The following ACTR10 variants were observed in gnomAD, a reference collection of about 807,000 sequenced individuals.
ACTR10 encodes actin related protein 10, also known as actin-related protein 10.
ACTR10 carries 43 observed loss-of-function variants against 56.2 expected under a neutral mutation model. The observed-to-expected ratio is 0.77, with a 90% CI of 0.60 to 0.99. ACTR10 has a LOEUF of 0.99. Ranked by LOEUF, ACTR10 falls within the 50% of genes least tolerant of loss-of-function variation. The probability of loss-of-function intolerance (pLI) is 0.00; values close to 1 mark genes in which losing one functional copy is unlikely to be tolerated. For missense variants in ACTR10, 466 were observed against 507.8 expected (o/e 0.92, Z 0.79); for synonymous variants, 170 against 176.3 (o/e 0.96, Z 0.28).
At chr14:58,218,303 T>G (rs1465216538) in intron 7 of ACTR10, among the ~76,000 whole-genome samples, 2 of 152,196 alleles carry the variant, frequency 1.3e-5, no homozygotes, top group Non-Finnish European at 2.9e-5. Context: ...CTGGCATATC[T>G]TTATCCTCTT....
At position 58,213,787 on chromosome 14, in the gene ACTR10, C is replaced by T. The variant is rs915485611; in HGVS notation, c.518+89C>T. 4 of 935,516 alleles carry T rather than the reference C, an allele frequency of 4.3e-6. No homozygotes were observed. In the African/African-American group the frequency reaches 6.7e-5, roughly 16 times the overall value. 58.0% of individuals were successfully genotyped at this position (935,516 alleles called of 1,614,324 possible). On this transcript the variant is annotated intron_variant, in intron 6 of 12. Coordinates refer to ENST00000254286, the MANE Select transcript of ACTR10 (RefSeq NM_018477.3). ...TTGTTGATCAGTGATCAATAGAGGGCTTGTGATACGGACAGTGAATTTTAT... is the reference window on the plus strand; with the variant it reads ...TTGTTGATCAGTGATCAATAGAGGGTTTGTGATACGGACAGTGAATTTTAT...
rs538759124 is a variant in ACTR10 at position 58,230,236 on chromosome 14, C to A, written c.789-163C>A. On this transcript the variant is annotated intron_variant, in intron 10 of 12. Transcript: ENST00000254286. The stretch of plus-strand genomic sequence containing the variant: ...AACCCTGTGAGGCAGGCATTGTTAT[C>A]CTCTCCATTTACAAATGAGAACACC... 1.6e-4 allele frequency among the ~76,000 whole-genome samples: 24 copies of A among 152,232 alleles called. No individual in the cohort carries two copies. The South Asian group carries it at 4.8e-3, about 30-fold the overall frequency.
chr14:58,220,898 G>C (rs1889249285), intron 8 of ACTR10, among the ~76,000 whole-genome samples: 1 of 152,166 alleles, frequency 6.6e-6, no homozygotes, highest in Admixed American at 6.5e-5. Flanking sequence ...GCTGTTAAGA[G>C]CTAGAGTATT....
At position 58,223,822 on chromosome 14, in the gene ACTR10, G is replaced by A; in HGVS notation, c.754G>A (p.Gly252Arg). The change falls in exon 10 of 13, where the codon GGA becomes AGA. Residue 252 changes from glycine to arginine, a missense_variant. By Grantham distance (125) the Gly-to-Arg change is moderately radical (BLOSUM62 -2). Transcript: ENST00000254286. The part of the protein sequence containing the change: ...PPPNVDYPLD[G>R]EKILHILGSI... ...CCCAAATGTTGACTATCCATTAGAT[G>A]GAGAGAAGATTTTACATATCCTTGG... The A allele has an allele frequency of 6.2e-7, 1 of 1,612,994 alleles. No individual in the cohort carries two copies. Among genetic ancestry groups the A allele is most frequent in the Non-Finnish European group, 8.5e-7 (1 of 1,179,328 alleles).
At position 58,234,450 on chromosome 14, in the gene ACTR10, C is replaced by T; in HGVS notation, c.1153C>T (p.Pro385Ser). The T allele has an allele frequency of 1.2e-6, 2 of 1,613,306 alleles. No individual in the cohort carries two copies. Among genetic ancestry groups the T allele is most frequent in the Non-Finnish European group, 1.7e-6 (2 of 1,179,560 alleles). The stretch of plus-strand genomic sequence containing the variant: ...ATATTATAATCAGACGGGCCGTATA[C>T]CTGATTGGTGTTCTCTCAATAACCC... Reference protein sequence around the residue: ...KEYYNQTGRIPDWCSLNNPPL... With the variant: ...KEYYNQTGRISDWCSLNNPPL... The change falls in exon 13 of 13, where the codon CCT (proline) becomes TCT (serine). Residue 385 changes from proline (P) to serine (S), a missense_variant. By Grantham distance (74) the Pro-to-Ser change is moderately conservative. Coordinates refer to ENST00000254286, the MANE Select transcript of ACTR10 (RefSeq NM_018477.3).
chr14:58,200,382 T>C, intron 1 of ACTR10, 88 bp downstream of exon 1: 1 of 1,133,778 alleles, frequency 8.8e-7, no homozygotes, highest in Admixed American at 3.5e-5. Flanking sequence ...CATCGCCGAC[T>C]CGCTGGGCAG....
intron 12 of ACTR10, among the ~76,000 whole-genome samples, chr14:58,232,709 C>T (rs997475925): frequency 1.3e-5 from 2 of 151,870 alleles, no homozygotes; most frequent in East Asian, 3.9e-4. Flanking sequence ...CCACCATGCC[C>T]AGCTGACTTT....
rs761484321 is a variant in ACTR10, at chr14:58,208,991, C to G, written c.234-8C>G. The G allele has an allele frequency of 1.9e-6, 3 of 1,591,144 alleles. No homozygotes were observed. In the African/African-American group the frequency reaches 4.1e-5, roughly 22 times the overall value. On this transcript the variant is annotated splice_region_variant and splice_polypyrimidine_tract_variant and intron_variant, in intron 3 of 12. Transcript: ENST00000254286. ...TTTACTTTTAAAACCAAAACTTTCA[C>G]TTTTCAGGCATCTATTGGTGAATCC...
Position 58,202,002 on chromosome 14 carries a change from C to CAA in ACTR10, c.78-835_78-834dup, listed in dbSNP as rs11460483. ...TGGGCGACAGAGCGAGACCCTGCCT[C>CAA]AAAAAAAAAAAAAAAAAAAGTGATA... On this transcript the variant is annotated intron_variant, in intron 1 of 12. Coordinates refer to ENST00000254286, the MANE Select transcript of ACTR10 (RefSeq NM_018477.3). Among the ~76,000 whole-genome samples, 522 of 98,944 alleles carry CAA rather than the reference C, an allele frequency of 5.3e-3. 7 individuals carry two copies. The highest frequency in any genetic ancestry group is 0.044 in the East Asian group (139 of 3,178). The allele number at this position is 98,944 out of a possible 152,430, so 64.9% of individuals were successfully genotyped here. A position where few individuals can be genotyped will look rare whatever the true frequency, so the allele number is the denominator to read the frequency against.
intron 7 of ACTR10, among the ~76,000 whole-genome samples, 187 bp downstream of exon 7, chr14:58,215,471 T>G (rs1032243946): frequency 2.0e-5 from 3 of 152,328 alleles, no homozygotes; most frequent in African/African-American, 7.2e-5. Flanking sequence ...ATTTTAGTCA[T>G]CCTTTCCAGA....
At chr14:58,218,167 A>G (rs1256733737) in intron 7 of ACTR10, among the ~76,000 whole-genome samples, 1 of 152,218 alleles carries the variant, frequency 6.6e-6, no homozygotes, top group Non-Finnish European at 1.5e-5. Flanking sequence ...TAAAATTTAT[A>G]TAAATGTTCC....
At chr14:58,221,280 TAAA>T (rs35943337) in intron 8 of ACTR10, among the ~76,000 whole-genome samples, 77 of 108,270 alleles carry the variant, frequency 7.1e-4, no homozygotes, top group Middle Eastern at 9.6e-3. Flanking sequence ...AGACTCTGTC[TAAA>T]AAAAAAAAAA....
chr14:58,207,411 C>T (rs1473966611), intron 2 of ACTR10, among the ~76,000 whole-genome samples: 2 of 151,834 alleles, frequency 1.3e-5, no homozygotes, highest in Non-Finnish European at 2.9e-5. Context: ...CTGCAGCCTC[C>T]TCCAGGGTTT....
At chr14:58,219,441 A>G (rs556009583) in intron 7 of ACTR10, 18 of 322,238 alleles carry the variant, frequency 5.6e-5, no homozygotes, top group Admixed American at 5.5e-4. Flanking sequence ...ACTGACAACT[A>G]TTTATTATCA....
intron 2 of ACTR10, among the ~76,000 whole-genome samples, chr14:58,206,592 T>C (rs532105000): frequency 1.6e-4 from 24 of 152,346 alleles, no homozygotes; most frequent in Admixed American, 1.2e-3. Context: ...ATTAGGCTGA[T>C]GGTACTTCTT....
At chr14:58,208,061 T>C in intron 3 of ACTR10, 43 bp downstream of exon 3, 1 of 1,472,688 alleles carries the variant, frequency 6.8e-7, no homozygotes, top group Non-Finnish European at 9.0e-7. Flanking sequence ...TTAGATAGAT[T>C]TTCCTAATGC....
chr14:58,230,306 A>T, intron 10 of ACTR10, 93 bp from the exon 11 acceptor site: 1 of 630,284 alleles, frequency 1.6e-6, no homozygotes, highest in Non-Finnish European at 2.6e-6. Flanking sequence ...ATTGGTACTT[A>T]AAAATACTAT....
Position 58,235,298 on chromosome 14 carries a change from T to G in ACTR10, c.*747T>G, listed in dbSNP as rs1382165794. On this transcript the variant is annotated 3_prime_UTR_variant, in exon 13 of 13. Coordinates refer to ENST00000254286, the MANE Select transcript of ACTR10 (RefSeq NM_018477.3). The stretch of plus-strand genomic sequence containing the variant: ...AAAAATATTTATTTTGGTACTTGGG[T>G]GTCCATATTATAATAATGTTGTTTT... The G allele has an allele frequency of 6.6e-6, 1 of 152,216 alleles. No homozygotes were observed. The highest frequency in any genetic ancestry group is 1.9e-4 in the East Asian group (1 of 5,202). The allele number at this position is 152,216 out of a possible 1,614,324, so 9.4% of individuals were successfully genotyped here. A position where few individuals can be genotyped will look rare whatever the true frequency, so the allele number is the denominator to read the frequency against.
chr14:58,200,359 C>G, intron 1 of ACTR10, 65 bp downstream of exon 1: 3 of 1,335,048 alleles, frequency 2.2e-6, no homozygotes, highest in Middle Eastern at 2.0e-4. Context: ...GCCCCAGGCA[C>G]TGCCTGGGTC....
Sources: allele counts gnomAD v4.1 joint callset (sites outside exome capture counted in the v4.1 genomes callset), GRCh38; gene constraint gnomAD v4.1.1; transcripts MANE v1.5; gene names NCBI Gene and HGNC (gene_info 2026-07-23, HGNC 2026-07-21).